Variants in SH3D19 observed in about 807,000 individuals in gnomAD.
The protein encoded by SH3D19 is SH3 domain-containing protein 19.
Under a neutral mutation model 112.1 loss-of-function variants are expected in SH3D19, and 58 were observed. The ratio of observed to expected loss-of-function variants is 0.52; its 90% confidence interval spans 0.42 to 0.64. The LOEUF is 0.64. Ranked by LOEUF, SH3D19 falls within the 30% of genes least tolerant of loss-of-function variation. The probability of loss-of-function intolerance (pLI) is 0.00; values close to 1 mark genes in which losing one functional copy is unlikely to be tolerated. For synonymous variants in SH3D19, 391 were observed against 448.5 expected (o/e 0.87, Z 1.62); for missense variants, 1,090 against 1,263.4 (o/e 0.86, Z 2.08).
intron 1 of SH3D19, among the ~76,000 whole-genome samples, chr4:151,280,702 G>T (rs917191630): frequency 1.3e-5 from 2 of 151,834 alleles, no homozygotes; most frequent in Non-Finnish European, 2.9e-5. Context: ...GAGGTAGAAG[G>T]ATCACTTGAG....
intron 15 of SH3D19, 103 bp from the exon 16 acceptor site, chr4:151,133,339 TG>T (rs1751145706): frequency 1.4e-5 from 13 of 930,992 alleles, no homozygotes; most frequent in Admixed American, 9.7e-5. Flanking sequence ...GGGTTTACCA[TG>T]GAATAAGGTA....
At chr4:151,187,946 T>C (rs1356151680) in intron 2 of SH3D19, among the ~76,000 whole-genome samples, 1 of 152,176 alleles carries the variant, frequency 6.6e-6, no homozygotes, top group African/African-American at 2.4e-5. Context: ...AATAATCTTG[T>C]GAGACTTTCC....
intron 8 of SH3D19, among the ~76,000 whole-genome samples, chr4:151,165,286 G>A (rs1419450399): frequency 6.6e-6 from 1 of 152,022 alleles, no homozygotes; most frequent in Non-Finnish European, 1.5e-5. Flanking sequence ...AGGGTGCAGT[G>A]AGCTGAGATT....
At chr4:151,321,041 AAAAC>A (rs1438377498) in intron 1 of SH3D19, among the ~76,000 whole-genome samples, 1 of 152,212 alleles carries the variant, frequency 6.6e-6, no homozygotes, top group Non-Finnish European at 1.5e-5. Context: ...ACTCTGTCTC[AAAAC>A]AAACAAAAAC....
At chr4:151,161,304 C>A (rs1757104724) in intron 8 of SH3D19, among the ~76,000 whole-genome samples, 1 of 152,142 alleles carries the variant, frequency 6.6e-6, no homozygotes, top group Non-Finnish European at 1.5e-5. Flanking sequence ...AGGACATTTG[C>A]ACCACGAAGC....
At chr4:151,245,116 C>A (rs1303529092) in intron 1 of SH3D19, among the ~76,000 whole-genome samples, 1 of 151,596 alleles carries the variant, frequency 6.6e-6, no homozygotes, top group East Asian at 1.9e-4. Context: ...TACACTCCAG[C>A]CTGGGCAACA....
chr4:151,238,543 C>T (rs1376503075), intron 1 of SH3D19, among the ~76,000 whole-genome samples: 3 of 152,072 alleles, frequency 2.0e-5, no homozygotes, highest in African/African-American at 7.2e-5. Flanking sequence ...GTGTAGCTGA[C>T]CCTGCAAAAT....
At chr4:151,191,463 G>C (rs1012766134) in intron 2 of SH3D19, among the ~76,000 whole-genome samples, 9 of 152,164 alleles carry the variant, frequency 5.9e-5, no homozygotes, top group African/African-American at 2.2e-4. Flanking sequence ...TGTCATGGGA[G>C]GAACCTGGTG....
intron 1 of SH3D19, chr4:151,261,445 T>C (rs188565013): frequency 6.6e-6 from 1 of 152,578 alleles, no homozygotes; most frequent in East Asian, 1.9e-4. Flanking sequence ...GTTAGCCCTG[T>C]TGTCCTGCTC....
At chr4:151,276,608 C>T (rs1773648682) in intron 1 of SH3D19, among the ~76,000 whole-genome samples, 1 of 152,170 alleles carries the variant, frequency 6.6e-6, no homozygotes, top group Non-Finnish European at 1.5e-5. Context: ...TCAACTCTCC[C>T]TCTAACCAAT....
At chr4:151,151,879 C>T (rs185397975) in intron 9 of SH3D19, among the ~76,000 whole-genome samples, 1 of 152,050 alleles carries the variant, frequency 6.6e-6, no homozygotes, top group Admixed American at 6.6e-5. Flanking sequence ...TGTTAGATAC[C>T]TTGATAAAGA....
chr4:151,233,893 T>TA (rs1769806652), intron 1 of SH3D19, among the ~76,000 whole-genome samples: 1 of 152,216 alleles, frequency 6.6e-6, no homozygotes, highest in African/African-American at 2.4e-5. Context: ...GTCTCTGTGT[T>TA]AGACTCTGCT....
intron 11 of SH3D19, chr4:151,144,457 A>T (rs1175223702): frequency 1.6e-6 from 1 of 623,636 alleles, no homozygotes; most frequent in Non-Finnish European, 2.9e-6. Flanking sequence ...TTTCTCATGG[A>T]TGTTAAGAGG....
At chr4:151,294,162 C>T (rs575549772) in intron 1 of SH3D19, among the ~76,000 whole-genome samples, 2 of 152,070 alleles carry the variant, frequency 1.3e-5, no homozygotes, top group Non-Finnish European at 1.5e-5. Context: ...TTTTATCCAC[C>T]ACTGTATCCT....
intron 9 of SH3D19, among the ~76,000 whole-genome samples, chr4:151,154,499 T>C (rs1254269219): frequency 3.3e-5 from 5 of 151,694 alleles, no homozygotes; most frequent in Non-Finnish European, 7.4e-5. Flanking sequence ...AGGCTGGTCT[T>C]GAACTCCTCA....
intron 1 of SH3D19, among the ~76,000 whole-genome samples, chr4:151,226,951 C>G (rs1466974543): frequency 6.6e-6 from 1 of 152,074 alleles, no homozygotes; most frequent in Non-Finnish European, 1.5e-5. Flanking sequence ...ATTTTTCCTC[C>G]ACTATATGCT....
At chr4:151,214,670 TG>T (rs1455361496) in intron 2 of SH3D19, among the ~76,000 whole-genome samples, 1 of 96,844 alleles carries the variant, frequency 1.0e-5, no homozygotes, top group South Asian at 3.7e-4. Flanking sequence ...AAGGGGCGGC[TG>T]GCCGGGCAGA....
chr4:151,323,794 C>T (rs935704549), intron 1 of SH3D19, among the ~76,000 whole-genome samples: 1 of 152,140 alleles, frequency 6.6e-6, no homozygotes, highest in East Asian at 1.9e-4. Flanking sequence ...ACACATATTG[C>T]AACTAAATGA....
At chr4:151,236,406 A>G (rs1268642054) in intron 1 of SH3D19, among the ~76,000 whole-genome samples, 1 of 152,266 alleles carries the variant, frequency 6.6e-6, no homozygotes, top group African/African-American at 2.4e-5. Context: ...TAGGTGCTGC[A>G]AAGTCCCACC....
Sources: gnomAD v4.1 joint callset for allele counts (sites outside exome capture counted in the v4.1 genomes callset) on GRCh38, gnomAD v4.1.1 for gene constraint, MANE v1.5 for transcripts, NCBI Gene and HGNC (gene_info 2026-07-23, HGNC 2026-07-21) for gene names.